Variants in FIP1L1 observed in about 807,000 individuals in gnomAD.
FIP1L1 encodes the protein pre-mRNA 3'-end-processing factor FIP1.
Under a neutral mutation model 84.6 loss-of-function variants are expected in FIP1L1, and 21 were observed. The observed-to-expected ratio is 0.25, with a 90% CI of 0.18 to 0.36. The LOEUF (loss-of-function observed/expected upper bound fraction) is 0.36, where lower values mean the gene tolerates loss of function less well. Among genes scored for constraint, FIP1L1 ranks in the 10% least tolerant of loss-of-function variants. The pLI is 1.00. For missense variants in FIP1L1, 526 were observed against 751.1 expected (o/e 0.70, Z 3.50); for synonymous variants, 263 against 242.3 (o/e 1.09, Z -0.80).
chr4:53,394,516 C>T (rs13120051), intron 9 of FIP1L1, among the ~76,000 whole-genome samples: 24,930 of 151,980 alleles, frequency 0.16, 2,075 homozygotes, highest in South Asian at 0.23. Context: ...ATATACTTGG[C>T]TGATGCAAAT....
intron 15 of FIP1L1, among the ~76,000 whole-genome samples, chr4:53,452,630 C>T (rs1193191034): frequency 6.6e-6 from 1 of 152,164 alleles, no homozygotes; most frequent in Non-Finnish European, 1.5e-5. Context: ...CCTCTCAACA[C>T]TTTGAAGATG....
intron 10 of FIP1L1, among the ~76,000 whole-genome samples, chr4:53,403,528 A>C (rs1751367143): frequency 6.6e-6 from 1 of 152,198 alleles, no homozygotes; most frequent in South Asian, 2.1e-4. Flanking sequence ...TAGTGTAAAA[A>C]TCCGTGCTTC....
intron 15 of FIP1L1, among the ~76,000 whole-genome samples, chr4:53,447,632 C>T (rs1774776977): frequency 6.6e-6 from 1 of 152,100 alleles, no homozygotes; most frequent in Non-Finnish European, 1.5e-5. Flanking sequence ...GAGAAAGTTA[C>T]ATGACAAATA....
intron 10 of FIP1L1, among the ~76,000 whole-genome samples, chr4:53,412,269 C>A (rs1284780479): frequency 2.0e-5 from 3 of 152,074 alleles, no homozygotes; most frequent in African/African-American, 7.2e-5. Context: ...CGAGGACATT[C>A]TGTTAGATAA....
At chr4:53,450,081 CTTTG>C (rs1775775438) in intron 15 of FIP1L1, among the ~76,000 whole-genome samples, 1 of 151,912 alleles carries the variant, frequency 6.6e-6, no homozygotes, top group Admixed American at 6.6e-5. Flanking sequence ...GATTTCCATT[CTTTG>C]TTATCCCTTT....
chr4:53,432,391 T>A (rs913736297), intron 13 of FIP1L1, among the ~76,000 whole-genome samples: 1 of 34,560 alleles, frequency 2.9e-5, no homozygotes, highest in Non-Finnish European at 4.9e-5. Flanking sequence ...AGAGCAAAAC[T>A]CCATCTCAAA....
intron 14 of FIP1L1, 38 bp downstream of exon 14, chr4:53,442,745 G>T: frequency 2.5e-6 from 3 of 1,196,340 alleles, no homozygotes; most frequent in Non-Finnish European, 3.7e-6. Context: ...ATCATTGATA[G>T]CCTTTTGACA....
intron 10 of FIP1L1, among the ~76,000 whole-genome samples, chr4:53,411,202 T>A (rs1757056606): frequency 6.6e-6 from 1 of 152,046 alleles, no homozygotes; most frequent in Non-Finnish European, 1.5e-5. Context: ...GTTATTGTAA[T>A]GATGGGCCAT....
intron 16 of FIP1L1, among the ~76,000 whole-genome samples, chr4:53,457,398 A>G (rs1719790095): frequency 6.6e-6 from 1 of 152,164 alleles, no homozygotes; most frequent in South Asian, 2.1e-4. Flanking sequence ...AATAGTGGAA[A>G]TACATATACA....
chr4:53,443,961 T>G, intron 14 of FIP1L1, 87 bp from the exon 15 acceptor site: 1 of 787,522 alleles, frequency 1.3e-6, no homozygotes, highest in South Asian at 2.0e-5. Context: ...AAGTTGTAAT[T>G]TTGCCTTGTT....
intron 15 of FIP1L1, among the ~76,000 whole-genome samples, chr4:53,452,215 G>T (rs942592532): frequency 9.2e-5 from 14 of 151,930 alleles, no homozygotes; most frequent in African/African-American, 3.1e-4. Flanking sequence ...TCTGTTGGTT[G>T]TAAGTTTTGC....
At chr4:53,434,418 G>A (rs1483274288) in intron 13 of FIP1L1, among the ~76,000 whole-genome samples, 1 of 151,816 alleles carries the variant, frequency 6.6e-6, no homozygotes, top group Non-Finnish European at 1.5e-5. Context: ...GTGGCCCCTG[G>A]AAACTACACT....
chr4:53,441,903 ACAT>A (rs1416804017), intron 13 of FIP1L1, among the ~76,000 whole-genome samples: 1 of 151,998 alleles, frequency 6.6e-6, no homozygotes, highest in African/African-American at 2.4e-5. Flanking sequence ...TAAGGAATTG[ACAT>A]CATAAGTTTT....
intron 16 of FIP1L1, among the ~76,000 whole-genome samples, chr4:53,454,988 G>C (rs1194865186): frequency 1.3e-5 from 2 of 152,142 alleles, no homozygotes; most frequent in African/African-American, 4.8e-5. Flanking sequence ...GCTTCACCTT[G>C]TACTTTTATG....
At chr4:53,410,975 G>C (rs1036705396) in intron 10 of FIP1L1, among the ~76,000 whole-genome samples, 2 of 152,136 alleles carry the variant, frequency 1.3e-5, no homozygotes, top group African/African-American at 4.8e-5. Context: ...ATAAGGTGGG[G>C]GGGGCTGCTG....
chr4:53,419,947 G>A (rs1372372412), intron 11 of FIP1L1, among the ~76,000 whole-genome samples: 3 of 151,950 alleles, frequency 2.0e-5, no homozygotes, highest in Non-Finnish European at 4.4e-5. Context: ...GGTGGCTCAC[G>A]CCTGTAATCC....
chr4:53,408,016 T>C (rs1486719144), intron 10 of FIP1L1, among the ~76,000 whole-genome samples: 3 of 152,212 alleles, frequency 2.0e-5, no homozygotes, highest in African/African-American at 7.2e-5. Context: ...CATTGTTATG[T>C]ATGAATTTGA....
intron 11 of FIP1L1, among the ~76,000 whole-genome samples, chr4:53,420,429 CAAAA>C (rs35693633): frequency 2.2e-5 from 2 of 91,654 alleles, no homozygotes; most frequent in Non-Finnish European, 4.1e-5. Context: ...AACTCCATCT[CAAAA>C]AAAAAAAAAA....
At chr4:53,454,899 C>T (rs1359707108) in intron 16 of FIP1L1, among the ~76,000 whole-genome samples, 1 of 152,186 alleles carries the variant, frequency 6.6e-6, no homozygotes, top group Admixed American at 6.6e-5. Flanking sequence ...AAATGTGTTG[C>T]TTAGTGGAGC....
Sources: gnomAD v4.1 joint callset for allele counts (sites outside exome capture counted in the v4.1 genomes callset) on GRCh38, gnomAD v4.1.1 for gene constraint, MANE v1.5 for transcripts, NCBI Gene and HGNC (gene_info 2026-07-23, HGNC 2026-07-21) for gene names.